Variants in KIAA1210 observed in about 807,000 individuals in gnomAD.
KIAA1210 encodes the protein KIAA1210.
KIAA1210 carries 48 observed loss-of-function variants against 78.9 expected under a neutral mutation model. The observed-to-expected ratio is 0.61, with a 90% CI of 0.48 to 0.77. KIAA1210 has a LOEUF of 0.77. Among genes scored for constraint, KIAA1210 ranks in the 30% least tolerant of loss-of-function variants. The probability of loss-of-function intolerance (pLI) is 0.00; values close to 1 mark genes in which losing one functional copy is unlikely to be tolerated. For missense variants in KIAA1210, 1,108 were observed against 1,100.0 expected, an observed-to-expected ratio of 1.01 and a Z score of -0.10; for synonymous variants, 406 against 404.5, an observed-to-expected ratio of 1.00 and a Z score of -0.04.
intron 5 of KIAA1210, 136 bp from the exon 6 acceptor site, chrX:119,105,283 T>A: frequency 1.6e-6 from 1 of 627,966 alleles, no homozygotes; most frequent in Non-Finnish European, 2.3e-6. Context: ...GTGAAAAAAA[T>A]AAGCCCAGGG....
Position 119,086,746 on chromosome X carries a change from T to C in KIAA1210, c.3956A>G (p.Asp1319Gly). The change falls in exon 9 of 12, where the codon GAT becomes GGT. Residue 1319 changes from aspartate to glycine, a missense_variant. Physicochemically the swap from Asp to Gly is moderately conservative, Grantham distance 94 (BLOSUM62 -1). Coordinates refer to ENST00000691062, the MANE Select transcript of KIAA1210 (RefSeq NM_001394962.1). ...CACTGAAGCAAGCTGGGTGAAGTTATCTTGTTTCTCACTCTTATACTTCTG... is the reference window on the plus strand; with the variant it reads ...CACTGAAGCAAGCTGGGTGAAGTTACCTTGTTTCTCACTCTTATACTTCTG... ...PSQKYKSEKQ[D>G]NFTQLASVPS... 4 of 1,211,220 alleles carry C rather than the reference T, an allele frequency of 3.3e-6. No individual in the cohort carries two copies. Among genetic ancestry groups the C allele is most frequent in the Non-Finnish European group, 4.5e-6 (4 of 895,239 alleles).
Position 119,081,191 on chromosome X carries a change from C to T in KIAA1210, c.*138G>A, listed in dbSNP as rs969252518. ...CTGAGGCGGGAGAGTGGCGTGAACCCGGGAGGCGGAGCTTGCAGTGAGCGG... is the reference window on the plus strand; with the variant it reads ...CTGAGGCGGGAGAGTGGCGTGAACCTGGGAGGCGGAGCTTGCAGTGAGCGG... On this transcript the variant is annotated 3_prime_UTR_variant, in exon 12 of 12. Transcript: ENST00000691062. 4 of 430,462 alleles carry T rather than the reference C, an allele frequency of 9.3e-6. No individual in the cohort carries two copies. Among genetic ancestry groups the T allele is most frequent in the Admixed American group, 5.4e-5 (1 of 18,569 alleles). 35.5% of individuals were successfully genotyped at this position (430,462 alleles called of 1,213,427 possible).
At chrX:119,123,350 T>A (rs947809167) in intron 2 of KIAA1210, among the ~76,000 whole-genome samples, 17 of 112,159 alleles carry the variant, frequency 1.5e-4, no homozygotes, top group African/African-American at 5.2e-4. Context: ...GAAAAAGCCT[T>A]AGTAAGTAAA....
At position 119,096,519 on chromosome X, in the gene KIAA1210, T is replaced by C. The variant is rs755011407; in HGVS notation, c.821A>G (p.Lys274Arg). 1.7e-6 allele frequency: 2 copies of C among 1,209,827 alleles called. No homozygotes were observed. Among genetic ancestry groups the C allele is most frequent in the Non-Finnish European group, 1.1e-6 (1 of 894,486 alleles). ...ARHKMTLNPR[K>R]QKKNLQVIVE... ...AATCACTTGAAGGTTCTTCTTTTGT[T>C]TGCGGGGATTTAAAGTCATTTTGTG... The change falls in exon 7 of 12, where the codon AAA (lysine) becomes AGA (arginine). Residue 274 changes from lysine to arginine, a missense_variant. Physicochemically the swap from Lys to Arg is conservative, Grantham distance 26 (BLOSUM62 2). This residue lies in a region of KIAA1210 where 672 missense variants were observed against 607.1 expected (regional missense o/e 1.11). Coordinates refer to ENST00000691062, the MANE Select transcript of KIAA1210 (RefSeq NM_001394962.1).
At chrX:119,122,719 GTC>G (rs757118850) in intron 2 of KIAA1210, among the ~76,000 whole-genome samples, 24 of 109,412 alleles carry the variant, frequency 2.2e-4, no homozygotes, top group Non-Finnish European at 4.2e-4. Context: ...TTTTCTCTCT[GTC>G]TCTCTCTCTC....
At chrX:119,084,391 C>T (rs1350415651) in intron 10 of KIAA1210, among the ~76,000 whole-genome samples, 3 of 111,509 alleles carry the variant, frequency 2.7e-5, no homozygotes, top group Non-Finnish European at 5.6e-5. Context: ...AGAAAGGGAA[C>T]TTGTTGTGTA....
intron 11 of KIAA1210, 66 bp from the exon 12 acceptor site, chrX:119,081,570 T>C (rs1926970137): frequency 1.9e-6 from 2 of 1,033,151 alleles, no homozygotes; most frequent in East Asian, 3.1e-5. Context: ...ATGTTGTTTA[T>C]GGAATGCCAT....
At chrX:119,125,678 G>T (rs1445577796) in intron 1 of KIAA1210, among the ~76,000 whole-genome samples, 1 of 81,284 alleles carries the variant, frequency 1.2e-5, no homozygotes, top group African/African-American at 4.5e-5. Flanking sequence ...CATAGCAGCT[G>T]GGAGTACAGG....
At chrX:119,143,193 T>C (rs1433923069) in intron 2 of KIAA1210, among the ~76,000 whole-genome samples, 4 of 112,360 alleles carry the variant, frequency 3.6e-5, no homozygotes, top group Non-Finnish European at 7.5e-5. Flanking sequence ...CTTTCTGCAG[T>C]TACCCATACT....
chrX:119,086,955 A>G lies in KIAA1210; in HGVS notation c.3747T>C (p.Pro1249=). Residue 1249 remains proline, a synonymous_variant, in exon 9 of 12, where the codon CCT becomes CCC. Coordinates refer to ENST00000691062, the MANE Select transcript of KIAA1210 (RefSeq NM_001394962.1). ...SKNPIKSIPA[P]ATKPGKFTIA... The stretch of plus-strand genomic sequence containing the variant: ...TGGTGAACTTCCCAGGTTTGGTAGC[A>G]GGGGCTGGAATGCTCTTTATGGGGT... The G allele has an allele frequency of 8.3e-7, 1 of 1,211,593 alleles. No homozygotes were observed. Among genetic ancestry groups the G allele is most frequent in the Non-Finnish European group, 1.1e-6 (1 of 895,406 alleles).
intron 8 of KIAA1210, among the ~76,000 whole-genome samples, chrX:119,091,380 C>G (rs776874892): frequency 5.3e-5 from 6 of 112,180 alleles, no homozygotes; most frequent in Admixed American, 9.4e-5. Context: ...TACTGAGTAT[C>G]TACCCAAAGG....
At chrX:119,136,132 T>C in intron 2 of KIAA1210, among the ~76,000 whole-genome samples, 1 of 111,508 alleles carries the variant, frequency 9.0e-6, no homozygotes, top group South Asian at 3.8e-4. Context: ...TTGGATTCTG[T>C]GGGATTTGAT....
In KIAA1210 at chrX:119,088,471, T is replaced by C; in HGVS notation, c.2231A>G (p.Asn744Ser). Residue 744 changes from asparagine (N) to serine (S), a missense_variant, in exon 9 of 12, where the codon AAT becomes AGT. Asn to Ser is a conservative substitution (Grantham distance 46, BLOSUM62 1). Around this residue, in one of 5 missense-constraint regions of KIAA1210, gnomAD observed 672 missense variants for 607.1 expected, o/e 1.11. Coordinates refer to ENST00000691062, the MANE Select transcript of KIAA1210 (RefSeq NM_001394962.1). ...PSRCPSQPIMNPTVQQQVPTS... is the reference protein window; with the variant it reads ...PSRCPSQPIMSPTVQQQVPTS... ...GGGGACTTGTTGCTGAACAGTAGGA[T>C]TCATAATGGGCTGAGAAGGGCATCT... 2 of 1,210,857 alleles carry C rather than the reference T, an allele frequency of 1.7e-6. No homozygotes were observed. The highest frequency in any genetic ancestry group is 2.2e-6 in the Non-Finnish European group (2 of 895,161).
At chrX:119,125,410 A>G (rs764865689) in intron 1 of KIAA1210, among the ~76,000 whole-genome samples, 1 of 109,981 alleles carries the variant, frequency 9.1e-6, no homozygotes, top group African/African-American at 3.3e-5. Flanking sequence ...AAGAATGTGT[A>G]TCACAGCATT....
intron 1 of KIAA1210, among the ~76,000 whole-genome samples, chrX:119,125,737 T>TATATA (rs1257970746): frequency 3.0e-4 from 3 of 9,993 alleles, no homozygotes; most frequent in African/African-American, 9.3e-4. Flanking sequence ...ATATATATAT[T>TATATA]TTTTTTTTTT....
chrX:119,108,357 C>T lies in KIAA1210; in HGVS notation c.472G>A (p.Ala158Thr). 1.7e-6 allele frequency: 2 copies of T among 1,210,009 alleles called. No individual in the cohort carries two copies. Among genetic ancestry groups the T allele is most frequent in the Non-Finnish European group, 2.2e-6 (2 of 894,711 alleles). ...QNVPTSAVWV[A>T]GPKITENPPS... ...GTTACCTCAGTGATCTTGGGGCCAG[C>T]AACCCAGACTGCACTTGTAGGCACA... Residue 158 changes from alanine to threonine, a missense_variant, in exon 5 of 12, where the codon GCT (alanine) becomes ACT (threonine). Around this residue, in one of 5 missense-constraint regions of KIAA1210, gnomAD observed 672 missense variants for 607.1 expected, o/e 1.11. Transcript: ENST00000691062.
At chrX:119,105,429 G>A (rs775187570) in intron 5 of KIAA1210, among the ~76,000 whole-genome samples, 12 of 112,070 alleles carry the variant, frequency 1.1e-4, no homozygotes, top group Non-Finnish European at 1.9e-4. Context: ...TTGCTTGTTC[G>A]TGCAAGATCA....
At position 119,119,781 on chromosome X, in the gene KIAA1210, T is replaced by C. The variant is rs1161599543; in HGVS notation, c.62-3117A>G. Among the ~76,000 whole-genome samples the C allele has an allele frequency of 2.8e-5, 3 of 108,457 alleles. 1 individual carries two copies. In the Admixed American group the frequency reaches 2.9e-4, roughly 11 times the overall value. The allele number at this position is 108,457 out of a possible 115,157, so 94.2% of individuals were successfully genotyped here. A position where few individuals can be genotyped will look rare whatever the true frequency, so the allele number is the denominator to read the frequency against. On this transcript the variant is annotated intron_variant, in intron 2 of 11. Transcript: ENST00000691062. ...CACGAGGTCAGGAGGTGGAGACCATTCTGGCTAACACGGTGAAACCCCGTC... is the reference window on the plus strand; with the variant it reads ...CACGAGGTCAGGAGGTGGAGACCATCCTGGCTAACACGGTGAAACCCCGTC...
exon 2 of KIAA1210, chrX:119,147,530 A>G (rs757024472): frequency 8.3e-6 from 10 of 1,209,256 alleles, no homozygotes; most frequent in Non-Finnish European, 1.1e-5. Context: ...TGAGGGGCCC[A>G]CTATCCTGGC....
Sources: allele counts gnomAD v4.1 joint callset (sites outside exome capture counted in the v4.1 genomes callset), GRCh38; gene constraint gnomAD v4.1.1; regional missense constraint gnomAD v4.1.1; transcripts MANE v1.5; gene names NCBI Gene and HGNC (gene_info 2026-07-23, HGNC 2026-07-21).